DMD: variants seen among roughly 807,000 people sequenced by gnomAD.
The protein encoded by DMD is dystrophin.
A neutral mutation model predicts 330.1 loss-of-function variants in DMD; 63 were observed. The observed-to-expected ratio is 0.19, with a 90% CI of 0.16 to 0.24. The LOEUF is 0.24. DMD is among the 10% of genes least tolerant of loss of function. The pLI is 1.00. For missense variants in DMD, 3,344 were observed against 2,684.1 expected (o/e 1.25, Z -5.43); for synonymous variants, 1,223 against 959.8 (o/e 1.27, Z -5.07).
At chrX:32,027,882 C>A (rs2095858094) in intron 44 of DMD, among the ~76,000 whole-genome samples, 1 of 112,445 alleles carries the variant, frequency 8.9e-6, no homozygotes, top group Non-Finnish European at 1.9e-5. Flanking sequence ...TGAGCACCTG[C>A]TATGCGTTAA....
At chrX:32,777,277 T>TGGGGGGGGGGGGGGGGTTG (rs546914107) in intron 7 of DMD, among the ~76,000 whole-genome samples, 1 of 2,113 alleles carries the variant, frequency 4.7e-4, no homozygotes, top group African/African-American at 3.1e-3. Context: ...GGTTTCTGGT[T>TGGGGGGGGGGGGGGGGTTG]GGGGGGGGAA....
chrX:32,412,432 C>T (rs1382929664), intron 29 of DMD, among the ~76,000 whole-genome samples: 1 of 112,220 alleles, frequency 8.9e-6, no homozygotes, highest in African/African-American at 3.2e-5. Context: ...AATACTATTT[C>T]AACCAGCTTT....
At chrX:32,032,992 C>G (rs1484250971) in intron 44 of DMD, among the ~76,000 whole-genome samples, 2 of 112,034 alleles carry the variant, frequency 1.8e-5, no homozygotes, top group East Asian at 5.6e-4. Context: ...AACCTAAATG[C>G]CCATTGGCAG....
chrX:31,743,667 A>G (rs5972442), intron 51 of DMD, among the ~76,000 whole-genome samples: 11,868 of 111,181 alleles, frequency 0.11, 473 homozygotes, highest in East Asian at 0.14. Context: ...TGATGGCAAC[A>G]ATAGAAACGG....
chrX:33,315,485 G>A (rs769853868), intron 1 of DMD, among the ~76,000 whole-genome samples: 2 of 112,004 alleles, frequency 1.8e-5, no homozygotes, highest in African/African-American at 6.5e-5. Flanking sequence ...CAAGACTTAG[G>A]CAACTTTTCG....
chrX:32,978,408 T>A (rs2147193296), intron 2 of DMD, among the ~76,000 whole-genome samples: 1 of 112,468 alleles, frequency 8.9e-6, no homozygotes, highest in East Asian at 2.8e-4. Context: ...TCCAAGTGAG[T>A]ATGAAGCTCA....
chrX:33,214,021 T>A (rs962998294), upstream of DMD, among the ~76,000 whole-genome samples: 1 of 102,124 alleles, frequency 9.8e-6, no homozygotes, highest in Non-Finnish European at 2.0e-5. Context: ...ATAAATGCAA[T>A]GATTCGGTAT....
chrX:32,742,307 TTAAA>T (rs1569504164), intron 7 of DMD, among the ~76,000 whole-genome samples: 1 of 112,226 alleles, frequency 8.9e-6, no homozygotes, highest in Admixed American at 9.5e-5. Context: ...AATGTTTTTA[TTAAA>T]TATTCTTCGT....
chrX:33,027,541 C>A (rs2094026348), intron 1 of DMD, among the ~76,000 whole-genome samples: 1 of 112,285 alleles, frequency 8.9e-6, no homozygotes, highest in South Asian at 3.7e-4. Flanking sequence ...AATTACATTT[C>A]ATATTTAAGG....
chrX:31,634,910 A>G (rs2079327847), intron 54 of DMD, among the ~76,000 whole-genome samples: 1 of 111,875 alleles, frequency 8.9e-6, no homozygotes, highest in East Asian at 2.8e-4. Flanking sequence ...GATGAAATAC[A>G]CGTCTCTATA....
intron 20 of DMD, among the ~76,000 whole-genome samples, chrX:32,489,376 G>T (rs1046532949): frequency 1.8e-5 from 2 of 110,537 alleles, no homozygotes; most frequent in African/African-American, 6.6e-5. Flanking sequence ...TTAGGGATTG[G>T]TGGCTTTATA....
intron 44 of DMD, among the ~76,000 whole-genome samples, chrX:32,136,272 C>CT (rs2096724322): frequency 2.7e-5 from 3 of 112,517 alleles, no homozygotes; most frequent in African/African-American, 9.7e-5. Context: ...ATTCTAGGCA[C>CT]TGTTGGTGTG....
At chrX:33,150,901 C>T (rs1046921727) in intron 1 of DMD, among the ~76,000 whole-genome samples, 5 of 111,333 alleles carry the variant, frequency 4.5e-5, no homozygotes, top group Non-Finnish European at 3.8e-5. Context: ...GGGCTTTTAC[C>T]CTGAAGCAAA....
intron 59 of DMD, among the ~76,000 whole-genome samples, chrX:31,470,478 C>T: frequency 8.9e-6 from 1 of 112,057 alleles, no homozygotes. Context: ...CCAGCAGAAG[C>T]TGCAGAACAG....
At chrX:31,736,563 G>A (rs1340293951) in intron 51 of DMD, among the ~76,000 whole-genome samples, 1 of 111,765 alleles carries the variant, frequency 8.9e-6, no homozygotes, top group African/African-American at 3.2e-5. Flanking sequence ...CTAATAATTT[G>A]TTTTAGAAAC....
intron 1 of DMD, among the ~76,000 whole-genome samples, chrX:33,237,250 C>T (rs1286521117): frequency 1.2e-5 from 1 of 82,106 alleles, no homozygotes; most frequent in African/African-American, 4.4e-5. Flanking sequence ...TTCTTTCTCT[C>T]TTTTTTTTTT....
At chrX:32,370,140 A>T (rs141333155) in intron 34 of DMD, among the ~76,000 whole-genome samples, 3,254 of 111,151 alleles carry the variant, frequency 0.029, 74 homozygotes, top group Middle Eastern at 0.055. Context: ...TGCAATTCTA[A>T]GATGTGCATT....
At chrX:31,790,226 T>G in intron 50 of DMD, among the ~76,000 whole-genome samples, 1 of 111,547 alleles carries the variant, frequency 9.0e-6, no homozygotes, top group Non-Finnish European at 1.9e-5. Flanking sequence ...AGTTTACTAC[T>G]GGGGGCCTCA....
intron 2 of DMD, among the ~76,000 whole-genome samples, chrX:33,010,199 C>CGTATGTGTGTAT (rs2093662656): frequency 1.2e-5 from 1 of 84,139 alleles, no homozygotes; most frequent in Non-Finnish European, 2.2e-5. Context: ...TGTATATATG[C>CGTATGTGTGTAT]ATATGTGTGT....
Sources: allele counts gnomAD v4.1 joint callset (sites outside exome capture counted in the v4.1 genomes callset), GRCh38; gene constraint gnomAD v4.1.1; transcripts MANE v1.5; gene names NCBI Gene and HGNC (gene_info 2026-07-23, HGNC 2026-07-21).